The following DGKG variants were observed in gnomAD, a reference collection of about 807,000 sequenced individuals.
DGKG encodes the protein diacylglycerol kinase gamma.
Under a neutral mutation model 105.3 loss-of-function variants are expected in DGKG, and 78 were observed. The ratio of observed to expected loss-of-function variants is 0.74; its 90% confidence interval spans 0.62 to 0.89. The LOEUF (loss-of-function observed/expected upper bound fraction) is 0.89. Among genes scored for constraint, DGKG ranks in the 40% least tolerant of loss-of-function variants. DGKG has a pLI of 0.00. For missense variants in DGKG, 958 were observed against 1,020.1 expected, an observed-to-expected ratio of 0.94 and a Z score of 0.83; for synonymous variants, 346 against 367.1, an observed-to-expected ratio of 0.94 and a Z score of 0.66.
rs1472702178 is a variant in DGKG at position 186,299,797 on chromosome 3, C to CTTTT, written c.145-1569_145-1568insAAAA. Among the ~76,000 whole-genome samples, 323 of 88,762 alleles carry CTTTT rather than the reference C, an allele frequency of 3.6e-3. 6 individuals are homozygous for CTTTT. Among genetic ancestry groups the CTTTT allele is most frequent in the Non-Finnish European group, 2.6e-3 (114 of 43,928 alleles). 58.2% of individuals were successfully genotyped at this position (88,762 alleles called of 152,430 possible). ...TCTTTCTTTCTTTCTTTCTTTCTTTCTTTCTTTCTTTCTTTCTTTCTTTCT... is the reference window on the plus strand; with the variant it reads ...TCTTTCTTTCTTTCTTTCTTTCTTTCTTTTTTTCTTTCTTTCTTTCTTTCTTTCT... On this transcript the variant is annotated intron_variant, in intron 3 of 24. Transcript: ENST00000265022.
chr3:186,320,596 G>A lies in DGKG; in HGVS notation c.-137C>T, dbSNP rs1725031715. 2.7e-5 allele frequency: 39 copies of A among 1,460,712 alleles called. 2 individuals carry two copies. In the South Asian group the frequency reaches 5.1e-4, roughly 19 times the overall value. The allele number at this position is 1,460,712 out of a possible 1,614,324, so 90.5% of individuals were successfully genotyped here. On this transcript the variant is annotated 5_prime_UTR_variant, in exon 2 of 25. Transcript: ENST00000265022. The stretch of plus-strand genomic sequence containing the variant: ...TCAGGAGACTTCTGGGAGCACTCAA[G>A]TGTATACAGCAGCAGCAGGCACCTC...
chr3:186,315,862 C>A (rs1724794313), intron 2 of DGKG, among the ~76,000 whole-genome samples: 1 of 152,164 alleles, frequency 6.6e-6, no homozygotes, highest in Admixed American at 6.5e-5. Context: ...TGAGCCAGGC[C>A]TGTGACTGCA....
At chr3:186,187,378 G>A (rs1045195365) in intron 22 of DGKG, among the ~76,000 whole-genome samples, 1 of 152,234 alleles carries the variant, frequency 6.6e-6, no homozygotes, top group Non-Finnish European at 1.5e-5. Context: ...TGAGCCGTGA[G>A]ATAAAAAGGG....
intron 1 of DGKG, among the ~76,000 whole-genome samples, chr3:186,345,532 T>C (rs1241487748): frequency 6.6e-6 from 1 of 152,212 alleles, no homozygotes; most frequent in Non-Finnish European, 1.5e-5. Context: ...AGGTGGGTTA[T>C]TGAAAACTCT....
At chr3:186,174,690 GTGTGTGTGTT>G (rs900290605) in intron 22 of DGKG, among the ~76,000 whole-genome samples, 7 of 97,058 alleles carry the variant, frequency 7.2e-5, no homozygotes, top group Non-Finnish European at 1.5e-4. Context: ...GTGTGTGTGT[GTGTGTGTGTT>G]GCAATCCCAC....
intron 22 of DGKG, 112 bp downstream of exon 22, chr3:186,188,090 G>C: frequency 8.0e-7 from 1 of 1,244,248 alleles, no homozygotes; most frequent in East Asian, 2.3e-5. Flanking sequence ...CATATCCGCA[G>C]AGCATGGAGT....
chr3:186,287,520 G>T (rs1018156463), intron 6 of DGKG, among the ~76,000 whole-genome samples: 2 of 152,090 alleles, frequency 1.3e-5, no homozygotes, highest in Non-Finnish European at 2.9e-5. Flanking sequence ...TCTTTGCATG[G>T]TCATTATAAG....
At position 186,331,225 on chromosome 3, in the gene DGKG, G is replaced by A. The variant is rs534201082; in HGVS notation, c.-248-10518C>T. Among the ~76,000 whole-genome samples the A allele has an allele frequency of 2.4e-3, 373 of 152,288 alleles. 6 individuals are homozygous for A. The highest frequency in any genetic ancestry group is 4.1e-3 in the Non-Finnish European group (282 of 68,024). On this transcript the variant is annotated intron_variant, in intron 1 of 24. Transcript: ENST00000265022. ...ACCACAACCAACTCAAAGCAAGACT[G>A]ACATGCAATGACAACAACGGGGCCT...
At chr3:186,253,288 T>A in intron 17 of DGKG, 106 bp from the exon 18 acceptor site, 1 of 834,098 alleles carries the variant, frequency 1.2e-6, no homozygotes, top group South Asian at 1.4e-5. Context: ...CATAGCATTC[T>A]TTGTTTGAAT....
At chr3:186,324,002 G>T (rs1449450958) in intron 1 of DGKG, among the ~76,000 whole-genome samples, 4 of 151,168 alleles carry the variant, frequency 2.6e-5, no homozygotes, top group Non-Finnish European at 5.9e-5. Flanking sequence ...CAGCTACTCG[G>T]GAGGCTGAGG....
chr3:186,326,397 T>TCAAAAAAAAAA (rs1560156258), intron 1 of DGKG, among the ~76,000 whole-genome samples: 1 of 149,614 alleles, frequency 6.7e-6, no homozygotes. Context: ...AGACACTGTC[T>TCAAAAAAAAAA]TAAAAAAAAA....
At position 186,231,523 on chromosome 3, in the gene DGKG, A is replaced by G. The variant is rs1476202536; in HGVS notation, c.1826+10981T>C. On this transcript the variant is annotated intron_variant, in intron 20 of 24. Coordinates refer to ENST00000265022, the MANE Select transcript of DGKG (RefSeq NM_001346.3). The surrounding 1 kb of genome is among the most constrained non-coding windows in gnomAD (Gnocchi z 4.5). The stretch of plus-strand genomic sequence containing the variant: ...GATTCTTGAAAGCTCTCAATAAATG[A>G]TGGCTACTATTGTTGGTATGGGTTG... 4.6e-5 allele frequency among the ~76,000 whole-genome samples: 7 copies of G among 152,174 alleles called. No homozygotes were observed. Among genetic ancestry groups the G allele is most frequent in the African/African-American group, 9.7e-5 (4 of 41,442 alleles).
chr3:186,360,368 C>A (rs977978719), intron 1 of DGKG, among the ~76,000 whole-genome samples: 1 of 152,164 alleles, frequency 6.6e-6, no homozygotes, highest in African/African-American at 2.4e-5. Flanking sequence ...TGTAGTAATG[C>A]CTATAGTGCT....
rs1013486809 is a variant in DGKG, at chr3:186,247,665, C to T, written c.1761+4094G>A. ...ATTTCTCTTTTCAACTTTTAAAGAG[C>T]GAGCATACAAACCCTGCAAACATTT... is the stretch of plus-strand genomic sequence containing the variant. On this transcript the variant is annotated intron_variant, in intron 19 of 24. Coordinates refer to ENST00000265022, the MANE Select transcript of DGKG (RefSeq NM_001346.3). Among the ~76,000 whole-genome samples the T allele has an allele frequency of 5.9e-5, 9 of 152,036 alleles. No individual in the cohort carries two copies. In the South Asian group the frequency reaches 8.3e-4, roughly 14 times the overall value.
At chr3:186,215,330 G>T (rs1719224887) in intron 20 of DGKG, among the ~76,000 whole-genome samples, 1 of 150,300 alleles carries the variant, frequency 6.7e-6, no homozygotes, top group Non-Finnish European at 1.5e-5. Context: ...AGAATTGCTT[G>T]AACCCGGGAG....
At chr3:186,357,861 G>T (rs1310403895) in intron 1 of DGKG, among the ~76,000 whole-genome samples, 1 of 152,226 alleles carries the variant, frequency 6.6e-6, no homozygotes, top group Non-Finnish European at 1.5e-5. Context: ...TTTTAAATGT[G>T]CATTCTCCAA....
chr3:186,204,731 G>A (rs1019644426), intron 21 of DGKG, among the ~76,000 whole-genome samples: 3 of 152,086 alleles, frequency 2.0e-5, no homozygotes, highest in African/African-American at 7.2e-5. Context: ...ATAAAAAAAT[G>A]TTGCATTGCA....
chr3:186,234,891 T>C (rs566935265), intron 20 of DGKG, among the ~76,000 whole-genome samples: 1 of 152,266 alleles, frequency 6.6e-6, no homozygotes, highest in South Asian at 2.1e-4. Flanking sequence ...AATAACAGAC[T>C]CCCAAAATCT....
intron 22 of DGKG, among the ~76,000 whole-genome samples, chr3:186,182,602 A>G (rs1283277364): frequency 1.3e-5 from 2 of 152,208 alleles, no homozygotes; most frequent in African/African-American, 4.8e-5. Context: ...TGAATTACCT[A>G]TTTGAAAATG....
Sources: gnomAD v4.1 joint callset for allele counts (sites outside exome capture counted in the v4.1 genomes callset) on GRCh38, gnomAD v4.1.1 for gene constraint, Gnocchi (gnomAD v3.1) non-coding constraint, MANE v1.5 for transcripts, NCBI Gene and HGNC (gene_info 2026-07-23, HGNC 2026-07-21) for gene names.